The following PPM1L variants were observed in gnomAD, a reference collection of about 807,000 sequenced individuals.
PPM1L encodes protein phosphatase, Mg2+/Mn2+ dependent 1L, also known as protein phosphatase 1L.
PPM1L carries 13 observed loss-of-function variants against 31.4 expected under a neutral mutation model. The observed-to-expected ratio is 0.41, with a 90% confidence interval of 0.27 to 0.66. The LOEUF (loss-of-function observed/expected upper bound fraction) is 0.66. PPM1L is among the 30% of genes least tolerant of loss of function. The probability of loss-of-function intolerance (pLI) is 0.29; values close to 1 mark genes in which losing one functional copy is unlikely to be tolerated. For synonymous variants in PPM1L, 184 were observed against 175.4 expected, an observed-to-expected ratio of 1.05 and a Z score of -0.39; for missense variants, 326 against 453.7, an observed-to-expected ratio of 0.72 and a Z score of 2.56.
rs1255459291 is a variant in PPM1L at position 161,073,146 on chromosome 3, TAA to T, written c.*3990_*3991del. On this transcript the variant is annotated 3_prime_UTR_variant, in exon 4 of 4. Transcript: ENST00000498165. The stretch of plus-strand genomic sequence containing the variant: ...CTAAATATAGGATTCTAGGATGAAA[TAA>T]GTTTGGAAAACACATACCATCTTAG... The T allele has an allele frequency of 1.3e-5, 2 of 152,280 alleles. No homozygotes were observed. Among genetic ancestry groups the T allele is most frequent in the Non-Finnish European group, 2.9e-5 (2 of 68,008 alleles). 9.4% of individuals were successfully genotyped at this position (152,280 alleles called of 1,614,324 possible).
intron 1 of PPM1L, among the ~76,000 whole-genome samples, chr3:160,786,183 G>GTATATATA (rs1576636907): frequency 1.5e-4 from 10 of 67,938 alleles, no homozygotes; most frequent in East Asian, 5.8e-4. Context: ...GTGTGTGTGT[G>GTATATATA]TGTGTATATA....
At chr3:160,867,638 G>T (rs1181081766) in intron 1 of PPM1L, among the ~76,000 whole-genome samples, 1 of 151,954 alleles carries the variant, frequency 6.6e-6, no homozygotes, top group East Asian at 1.9e-4. Context: ...TAAACCTCAA[G>T]TTTTTGTTAA....
chr3:160,985,730 A>G (rs1435804395), intron 2 of PPM1L, among the ~76,000 whole-genome samples: 1 of 127,230 alleles, frequency 7.9e-6, no homozygotes, highest in Non-Finnish European at 1.6e-5. Flanking sequence ...ATCATCATGT[A>G]GTTATTTACC....
At chr3:160,892,032 A>G (rs1296490495) in intron 1 of PPM1L, among the ~76,000 whole-genome samples, 1 of 152,160 alleles carries the variant, frequency 6.6e-6, no homozygotes, top group Non-Finnish European at 1.5e-5. Context: ...GCATTAGGAG[A>G]AATATCTAAT....
At chr3:160,921,704 A>G (rs911312481) in intron 1 of PPM1L, among the ~76,000 whole-genome samples, 2 of 152,200 alleles carry the variant, frequency 1.3e-5, no homozygotes, top group African/African-American at 4.8e-5. Flanking sequence ...CCAAATATAT[A>G]AAATGTCAAA....
chr3:161,058,135 T>TTTTTTTTG (rs1719469359), intron 2 of PPM1L, among the ~76,000 whole-genome samples: 1 of 126,596 alleles, frequency 7.9e-6, no homozygotes, highest in Admixed American at 8.0e-5. Context: ...TTTTTTTTTT[T>TTTTTTTTG]TTTTTTTGAC....
chr3:160,788,552 G>A (rs1242514566), intron 1 of PPM1L, among the ~76,000 whole-genome samples: 5 of 98,306 alleles, frequency 5.1e-5, no homozygotes, highest in Non-Finnish European at 8.8e-5. Context: ...TTTGATTTAT[G>A]GATTTTTTTT....
intron 1 of PPM1L, among the ~76,000 whole-genome samples, chr3:160,788,594 T>G (rs1009189214): frequency 1.5e-4 from 23 of 152,046 alleles, no homozygotes; most frequent in Non-Finnish European, 2.8e-4. Context: ...GCCATCACAT[T>G]TAGCAATTTT....
chr3:161,015,708 A>G (rs887803343), intron 2 of PPM1L, among the ~76,000 whole-genome samples: 4 of 152,210 alleles, frequency 2.6e-5, no homozygotes, highest in African/African-American at 9.6e-5. Context: ...TTTACCAGGA[A>G]TCAGTTTACT....
chr3:161,004,669 G>A (rs1412607981), intron 2 of PPM1L, among the ~76,000 whole-genome samples: 6 of 148,564 alleles, frequency 4.0e-5, no homozygotes, highest in Non-Finnish European at 6.0e-5. Flanking sequence ...TTGTATTTCT[G>A]TGGGATCGGT....
intron 2 of PPM1L, among the ~76,000 whole-genome samples, chr3:160,997,784 T>C (rs1200808578): frequency 2.0e-5 from 3 of 152,174 alleles, no homozygotes; most frequent in South Asian, 2.1e-4. Context: ...GAAGCACATA[T>C]AGTCTGCAGT....
At chr3:160,965,032 A>G (rs1716093308) in intron 2 of PPM1L, among the ~76,000 whole-genome samples, 1 of 151,994 alleles carries the variant, frequency 6.6e-6, no homozygotes. Flanking sequence ...TGGGCGGATC[A>G]TGAGGTCAGG....
chr3:160,868,615 A>G (rs910369266), intron 1 of PPM1L, among the ~76,000 whole-genome samples: 1 of 151,972 alleles, frequency 6.6e-6, no homozygotes, highest in Non-Finnish European at 1.5e-5. Flanking sequence ...TCCACCTAAA[A>G]CCTAGTCTGA....
chr3:161,035,210 TAAAAAAA>T (rs63163360), intron 2 of PPM1L, among the ~76,000 whole-genome samples: 1 of 139,982 alleles, frequency 7.1e-6, no homozygotes, highest in Non-Finnish European at 1.6e-5. Flanking sequence ...AAAGTATAAT[TAAAAAAA>T]AAAAAAAAGA....
chr3:160,869,691 T>G (rs989913407), intron 1 of PPM1L, among the ~76,000 whole-genome samples: 2 of 150,974 alleles, frequency 1.3e-5, no homozygotes, highest in Non-Finnish European at 2.9e-5. Context: ...TAACAATCTT[T>G]TATAGGTTCT....
intron 2 of PPM1L, among the ~76,000 whole-genome samples, chr3:161,006,777 C>T (rs778663): frequency 1.3e-5 from 2 of 150,338 alleles, no homozygotes; most frequent in Non-Finnish European, 3.0e-5. Flanking sequence ...CCACCTCCTG[C>T]GTTCACGCCA....
intron 1 of PPM1L, among the ~76,000 whole-genome samples, chr3:160,845,891 C>G (rs1714060250): frequency 6.6e-6 from 1 of 151,890 alleles, no homozygotes. Context: ...GAAGGAAATA[C>G]ATTTGAGAAG....
chr3:161,053,341 C>T (rs184648581), intron 2 of PPM1L, among the ~76,000 whole-genome samples: 1 of 152,220 alleles, frequency 6.6e-6, no homozygotes, highest in African/African-American at 2.4e-5. Context: ...ATATATGAAG[C>T]CTCCTGCAGC....
chr3:160,895,762 A>T (rs1405393070), intron 1 of PPM1L, among the ~76,000 whole-genome samples: 1 of 152,212 alleles, frequency 6.6e-6, no homozygotes, highest in Non-Finnish European at 1.5e-5. Context: ...AAAGGTGATG[A>T]TGGAGAAAAT....
Sources: gnomAD v4.1 joint callset for allele counts (sites outside exome capture counted in the v4.1 genomes callset) on GRCh38, gnomAD v4.1.1 for gene constraint, MANE v1.5 for transcripts, NCBI Gene and HGNC (gene_info 2026-07-23, HGNC 2026-07-21) for gene names.